The following FAM114A2 variants were observed in gnomAD, a reference collection of about 807,000 sequenced individuals.
FAM114A2 encodes the protein protein FAM114A2.
FAM114A2 carries 53 observed loss-of-function variants against 58.4 expected under a neutral mutation model. That is an observed-to-expected ratio of 0.91 (90% CI 0.73 to 1.14). FAM114A2 has a LOEUF of 1.14. Ranked by LOEUF, FAM114A2 falls within the 50% of genes most tolerant of loss-of-function variation. The pLI is 0.00. For missense variants in FAM114A2, 601 were observed against 581.1 expected (o/e 1.03, Z -0.35); for synonymous variants, 228 against 211.4 (o/e 1.08, Z -0.68).
intron 9 of FAM114A2, among the ~76,000 whole-genome samples, chr5:154,005,503 C>A (rs1770291977): frequency 6.6e-6 from 1 of 152,122 alleles, no homozygotes; most frequent in African/African-American, 2.4e-5. Context: ...CCTGAAGCTG[C>A]CAATGGTCAT....
At chr5:154,036,609 C>G (rs1200864326) in intron 1 of FAM114A2, 1 of 152,118 alleles carries the variant, frequency 6.6e-6, no homozygotes, top group African/African-American at 2.4e-5. Flanking sequence ...GTGCTGCATT[C>G]AGTCCAACAC....
At chr5:154,005,866 G>A (rs550347631) in intron 9 of FAM114A2, among the ~76,000 whole-genome samples, 71 of 152,298 alleles carry the variant, frequency 4.7e-4, no homozygotes, top group African/African-American at 1.6e-3. Flanking sequence ...CATTCTAACT[G>A]AGAAAACAGG....
intron 12 of FAM114A2, 83 bp downstream of exon 12, chr5:153,997,720 C>A (rs1769671774): frequency 1.2e-6 from 1 of 867,788 alleles, no homozygotes; most frequent in Admixed American, 2.0e-5. Context: ...GAATTGTACA[C>A]TTAAAGTGAG....
intron 9 of FAM114A2, among the ~76,000 whole-genome samples, chr5:154,008,900 T>C (rs925631899): frequency 6.6e-6 from 1 of 152,118 alleles, no homozygotes; most frequent in Non-Finnish European, 1.5e-5. Context: ...GATACAAATG[T>C]GTAATGGGGA....
chr5:154,029,535 C>G lies in FAM114A2; in HGVS notation c.449G>C (p.Gly150Ala). The change falls in exon 5 of 14, where the codon GGG (glycine) becomes GCG (alanine). Residue 150 changes from glycine (G) to alanine (A), a missense_variant. Gly to Ala is a moderately conservative substitution (Grantham distance 60). Transcript: ENST00000351797. ...KENENSSPVA[G>A]AFGVFSTIST... ...GATGGTAGAGAATACACCAAATGCC[C>G]CAGCCACTGGGGAGGAGTTTTCATT... 1 of 1,611,524 alleles carries G rather than the reference C, an allele frequency of 6.2e-7. No individual in the cohort carries two copies. The highest frequency in any genetic ancestry group is 8.5e-7 in the Non-Finnish European group (1 of 1,178,076).
At chr5:154,020,162 C>T (rs552556) in intron 8 of FAM114A2, among the ~76,000 whole-genome samples, 92,362 of 151,874 alleles carry the variant, frequency 0.61, 28,675 homozygotes, top group East Asian at 0.88. Flanking sequence ...TAGAACACTG[C>T]ATTTATAGCA....
intron 12 of FAM114A2, among the ~76,000 whole-genome samples, chr5:153,996,968 G>C (rs1163577889): frequency 1.4e-5 from 2 of 140,058 alleles, no homozygotes; most frequent in East Asian, 4.2e-4. Context: ...TTGCACTCCA[G>C]CCTGGGTGAC....
At chr5:154,028,093 G>T (rs1771916961) in intron 6 of FAM114A2, 56 bp downstream of exon 6, 1 of 1,443,852 alleles carries the variant, frequency 6.9e-7, no homozygotes, top group Non-Finnish European at 9.3e-7. Context: ...GTAAACAAAG[G>T]CAAAAATACA....
In FAM114A2 at chr5:154,028,260, A is replaced by AC. The variant is rs776676028; in HGVS notation, c.518dup (p.Leu174PhefsTer23). 1.9e-6 allele frequency: 3 copies of AC among 1,601,954 alleles called. No homozygotes were observed. Among genetic ancestry groups the AC allele is most frequent in the African/African-American group, 2.7e-5 (2 of 73,824 alleles). On this transcript the variant is annotated frameshift_variant, in exon 6 of 14. Transcript: ENST00000351797. LOFTEE classifies it high-confidence loss of function. ...TTCCAATGAATTCTAAGGCATCCAA[A>AC]CCCCCACTTATAACACTCTTTCCCT...
chr5:154,034,329 TCCC>T lies in FAM114A2; in HGVS notation c.256_258del (p.Gly86del), dbSNP rs1772395880. On this transcript the variant is annotated inframe_deletion, in exon 3 of 14. Coordinates refer to ENST00000351797, the MANE Select transcript of FAM114A2 (RefSeq NM_018691.4). The stretch of plus-strand genomic sequence containing the variant: ...GAGGAGAGTATGGACTTGCCCCAGC[TCCC>T]CCAATAACCCCATCTGGTCTGGGGT... The T allele has an allele frequency of 6.2e-7, 1 of 1,600,760 alleles. No individual in the cohort carries two copies. Among genetic ancestry groups the T allele is most frequent in the African/African-American group, 1.3e-5 (1 of 74,564 alleles).
chr5:154,019,975 A>C (rs1353207065), intron 8 of FAM114A2, among the ~76,000 whole-genome samples: 4 of 152,194 alleles, frequency 2.6e-5, no homozygotes, highest in Non-Finnish European at 5.9e-5. Flanking sequence ...TCAAATTAGA[A>C]CTCAGGATTA....
At chr5:154,018,703 T>C (rs2113378963) in intron 8 of FAM114A2, among the ~76,000 whole-genome samples, 1 of 152,224 alleles carries the variant, frequency 6.6e-6, no homozygotes, top group South Asian at 2.1e-4. Flanking sequence ...AAAAAGATAA[T>C]CCACCATGAT....
chr5:154,006,004 T>C (rs1375657049), intron 9 of FAM114A2, among the ~76,000 whole-genome samples: 4 of 152,366 alleles, frequency 2.6e-5, no homozygotes, highest in Non-Finnish European at 4.4e-5. Context: ...TCTTTCCCTA[T>C]ATCCTCCCAC....
chr5:154,023,105 G>T (rs1277465318), intron 8 of FAM114A2, among the ~76,000 whole-genome samples: 1 of 152,112 alleles, frequency 6.6e-6, no homozygotes, highest in Non-Finnish European at 1.5e-5. Flanking sequence ...TTGGACACAG[G>T]GCGGGGAACA....
At chr5:154,037,319 T>C (rs1772633430) in intron 1 of FAM114A2, 1 of 152,200 alleles carries the variant, frequency 6.6e-6, no homozygotes, top group South Asian at 2.1e-4. Flanking sequence ...ATAAACACAT[T>C]ACACATTTCC....
chr5:154,009,322 A>G (rs1282380472), intron 9 of FAM114A2, among the ~76,000 whole-genome samples: 2 of 152,182 alleles, frequency 1.3e-5, no homozygotes, highest in East Asian at 3.9e-4. Context: ...AAAATAATTA[A>G]GGACAGTGAT....
chr5:154,003,477 C>T (rs191846839), intron 9 of FAM114A2, among the ~76,000 whole-genome samples: 1 of 152,276 alleles, frequency 6.6e-6, no homozygotes, highest in Admixed American at 6.5e-5. Flanking sequence ...CTGCGCCCGG[C>T]CTCTAATCAG....
At chr5:154,005,380 A>G (rs1363191831) in intron 9 of FAM114A2, among the ~76,000 whole-genome samples, 4 of 152,206 alleles carry the variant, frequency 2.6e-5, no homozygotes, top group African/African-American at 4.8e-5. Flanking sequence ...CATAGATTAA[A>G]AAGTAACCCA....
chr5:153,999,142 A>C (rs1231828327), intron 11 of FAM114A2, among the ~76,000 whole-genome samples: 1 of 152,198 alleles, frequency 6.6e-6, no homozygotes, highest in Non-Finnish European at 1.5e-5. Flanking sequence ...ATATACAAGG[A>C]ACTCAACAAT....
Sources: gnomAD v4.1 joint callset for allele counts (sites outside exome capture counted in the v4.1 genomes callset) on GRCh38, gnomAD v4.1.1 for gene constraint, MANE v1.5 for transcripts, NCBI Gene and HGNC (gene_info 2026-07-23, HGNC 2026-07-21) for gene names.